The following MYBBP1A variants were observed in gnomAD, a reference collection of about 807,000 sequenced individuals.
The protein encoded by MYBBP1A is MYB binding protein 1a.
Under a neutral mutation model 136.3 loss-of-function variants are expected in MYBBP1A, and 147 were observed. The observed-to-expected ratio is 1.08, with a 90% confidence interval of 0.94 to 1.24. The LOEUF is 1.24. Among genes scored for constraint, MYBBP1A ranks in the 50% most tolerant of loss-of-function variants. MYBBP1A has a pLI of 0.00. For missense variants in MYBBP1A, 2,060 were observed against 1,727.4 expected, an observed-to-expected ratio of 1.19 and a Z score of -3.41; for synonymous variants, 947 against 735.8, an observed-to-expected ratio of 1.29 and a Z score of -4.65.
In MYBBP1A at chr17:4,542,673, G is replaced by A. The variant is rs140133737; in HGVS notation, c.2961C>T (p.Thr987=). The A allele has an allele frequency of 1.1e-5, 17 of 1,614,050 alleles. No homozygotes were observed. The highest frequency in any genetic ancestry group is 8.9e-5 in the East Asian group (4 of 44,870). ...GAACTGTGAGGGGGCTGTTGCGCTTGGTCAGGAAGGAGCTCAGTGCTGTCG... is the reference window on the plus strand; with the variant it reads ...GAACTGTGAGGGGGCTGTTGCGCTTAGTCAGGAAGGAGCTCAGTGCTGTCG... ...VYSTALSSFL[T]KRNSPLTVPM... Residue 987 remains threonine, a synonymous_variant, in exon 21 of 26, where the codon ACC becomes ACT. Transcript: ENST00000254718.
chr17:4,549,483 CT>C, intron 9 of MYBBP1A, 41 bp from the exon 10 acceptor site: 1 of 1,575,596 alleles, frequency 6.3e-7, no homozygotes, highest in Non-Finnish European at 8.7e-7. Context: ...CCACTTATAA[CT>C]GGCAGAAACA....
Position 4,554,228 on chromosome 17 carries a change from T to G in MYBBP1A, c.345A>C (p.Ile115=). 1 of 1,614,060 alleles carries G rather than the reference T, an allele frequency of 6.2e-7. No homozygotes were observed. Among genetic ancestry groups the G allele is most frequent in the Non-Finnish European group, 8.5e-7 (1 of 1,180,008 alleles). The change falls in exon 3 of 26, where the codon ATA becomes ATC. Residue 115 remains isoleucine, a synonymous_variant. Transcript: ENST00000254718. ...DLPLCSILQQ[I]QEKYDLHQVK... is the part of the protein sequence containing the mutation. ...CCTGATGCAGGTCATATTTTTCTTGTATCTGCTGCAGGATGCTGCACAAGG... is the reference window on the plus strand; with the variant it reads ...CCTGATGCAGGTCATATTTTTCTTGGATCTGCTGCAGGATGCTGCACAAGG...
chr17:4,547,993 G>A lies in MYBBP1A; in HGVS notation c.1789C>T (p.His597Tyr), dbSNP rs1214538930. ...TGGATGCCCACGAGGAGCAGAAGGT[G>A]CTGGAAGGCAGCAGCCCTGGCCTCT... ...SAEARAAAFQ[H>Y]LLLLVGIHLL... The change falls in exon 13 of 26, where the codon CAC becomes TAC. Residue 597 changes from histidine to tyrosine, a missense_variant. Coordinates refer to ENST00000254718, the MANE Select transcript of MYBBP1A (RefSeq NM_014520.4). The A allele has an allele frequency of 2.6e-6, 4 of 1,533,212 alleles. No homozygotes were observed. The highest frequency in any genetic ancestry group is 2.7e-5 in the African/African-American group (2 of 72,794). The allele number at this position is 1,533,212 out of a possible 1,614,324, so 95.0% of individuals were successfully genotyped here.
Position 4,539,825 on chromosome 17 carries a change from C to T in MYBBP1A, c.3577G>A (p.Glu1193Lys). 6.2e-7 allele frequency: 1 copy of T among 1,610,868 alleles called. No individual in the cohort carries two copies. Among genetic ancestry groups the T allele is most frequent in the Non-Finnish European group, 8.5e-7 (1 of 1,179,984 alleles). Residue 1193 changes from glutamate to lysine, a missense_variant, in exon 26 of 26, where the codon GAG becomes AAG. By Grantham distance (56) the Glu-to-Lys change is moderately conservative. Transcript: ENST00000254718. ...CCGGTGGCTGCAGGTGTGCCATCCT[C>T]CGCTGGCGTGCCATCCTCTGACTTG... ...KRKSEDGTPA[E>K]DGTPAATGGS... is the part of the protein sequence containing the mutation.
chr17:4,542,416 C>T (rs769377708), intron 22 of MYBBP1A, 48 bp downstream of exon 22: 77 of 1,553,746 alleles, frequency 5.0e-5, no homozygotes, highest in East Asian at 3.2e-4. Context: ...GAGGGTTAAG[C>T]GGGTTAATTC....
chr17:4,543,892 C>T (rs578166382), intron 19 of MYBBP1A, among the ~76,000 whole-genome samples: 4 of 152,072 alleles, frequency 2.6e-5, no homozygotes, highest in African/African-American at 7.2e-5. Context: ...GACCCTTCCC[C>T]ACGCCACTGC....
chr17:4,552,992 T>C lies in MYBBP1A; in HGVS notation c.562-366A>G, dbSNP rs945789744. Among the ~76,000 whole-genome samples, 3 of 152,112 alleles carry C rather than the reference T, an allele frequency of 2.0e-5. No individual in the cohort carries two copies. Among genetic ancestry groups the C allele is most frequent in the Non-Finnish European group, 4.4e-5 (3 of 68,026 alleles). The stretch of plus-strand genomic sequence containing the variant: ...GTGCGCCATCACACCCAGCTAATTT[T>C]TGTATTTTTAGTAGAGATGGGGTTT... On this transcript the variant is annotated intron_variant, in intron 5 of 25. Coordinates refer to ENST00000254718, the MANE Select transcript of MYBBP1A (RefSeq NM_014520.4). The surrounding 1 kb of genome is among the most constrained non-coding windows in gnomAD (Gnocchi z 4.7).
rs141433157 is a variant in MYBBP1A, at chr17:4,544,600, G to T, written c.2528C>A (p.Ala843Asp). 2.7e-4 allele frequency: 429 copies of T among 1,583,862 alleles called. 2 individuals are homozygous for T. In the African/African-American group the frequency reaches 5.3e-3, roughly 20 times the overall value. The part of the protein sequence containing the change: ...EVLVTKQPEN[A>D]LVLELLEPLL... Reference sequence around the variant, plus strand: ...CGGCTCCAGCAGCTCCAGGACCAGGGCATTCTCGGGCTGCTTGGTCACTAG... The same window carrying T: ...CGGCTCCAGCAGCTCCAGGACCAGGTCATTCTCGGGCTGCTTGGTCACTAG... Residue 843 changes from alanine to aspartate, a missense_variant, in exon 19 of 26, where the codon GCC (alanine) becomes GAC (aspartate). Physicochemically the swap from Ala to Asp is moderately radical, Grantham distance 126. Transcript: ENST00000254718.
intron 15 of MYBBP1A, 128 bp from the exon 16 acceptor site, chr17:4,545,473 G>T: frequency 6.7e-7 from 1 of 1,500,362 alleles, no homozygotes; most frequent in Non-Finnish European, 9.0e-7. Context: ...GCCAGGCCAG[G>T]CCAAGGCCTC....
chr17:4,541,702 A>T, intron 23 of MYBBP1A, 82 bp downstream of exon 23: 1 of 1,471,826 alleles, frequency 6.8e-7, no homozygotes, highest in Admixed American at 1.7e-5. Flanking sequence ...CTCAGGCTCC[A>T]ATCCTCACTT....
chr17:4,545,113 C>T lies in MYBBP1A; in HGVS notation c.2223G>A (p.Glu741=), dbSNP rs749498042. 1 of 1,608,798 alleles carries T rather than the reference C, an allele frequency of 6.2e-7. No homozygotes were observed. Among genetic ancestry groups the T allele is most frequent in the Non-Finnish European group, 8.5e-7 (1 of 1,177,758 alleles). Residue 741 remains glutamate, a synonymous_variant, in exon 17 of 26, where the codon GAG becomes GAA. Coordinates refer to ENST00000254718, the MANE Select transcript of MYBBP1A (RefSeq NM_014520.4). ...SSESEEESEG[E]ESEEEERDGD... ...CGTCGCGCTCCTCCTCCTCGCTCTC[C>T]TCCCCCTCGCTCTCCTCTTCACTCT...
Position 4,550,199 on chromosome 17 carries a change from C to A in MYBBP1A, c.1178G>T (p.Arg393Leu). The A allele has an allele frequency of 6.2e-7, 1 of 1,613,900 alleles. No homozygotes were observed. Among genetic ancestry groups the A allele is most frequent in the South Asian group, 1.1e-5 (1 of 91,088 alleles). The change falls in exon 9 of 26, where the codon CGG becomes CTG. Residue 393 changes from arginine to leucine, a missense_variant. Physicochemically the swap from Arg to Leu is moderately radical, Grantham distance 102. Coordinates refer to ENST00000254718, the MANE Select transcript of MYBBP1A (RefSeq NM_014520.4). ...CGGAGGGCTCAGGAACCGCACGACC[C>A]GCCAGAAAGTAGGCGTGACAGGGAG... The part of the protein sequence containing the change: ...QGLPVTPTFW[R>L]VVRFLSPPAL...
chr17:4,551,796 C>T (rs142966056), intron 8 of MYBBP1A, 84 bp downstream of exon 8: 46,807 of 1,234,982 alleles, frequency 0.038, 1,092 homozygotes, highest in Non-Finnish European at 0.046. Context: ...GCCAAGCCCC[C>T]GAGGTGCCCT....
Position 4,552,662 on chromosome 17 carries a change from T to C in MYBBP1A, c.562-36A>G. 1 of 1,595,490 alleles carries C rather than the reference T, an allele frequency of 6.3e-7. No homozygotes were observed. The highest frequency in any genetic ancestry group is 8.6e-7 in the Non-Finnish European group (1 of 1,168,314). On this transcript the variant is annotated intron_variant, in intron 5 of 25. Coordinates refer to ENST00000254718, the MANE Select transcript of MYBBP1A (RefSeq NM_014520.4). This position sits in a 1 kb window ranked among gnomAD's most constrained non-coding sequence, Gnocchi z 4.7. ...AGGGAGAAGAAATCGTGACTTCCTC[T>C]GCGGGGTGAGCCTGGTGGATCCTGT...
In MYBBP1A at chr17:4,539,599, G is replaced by A. The variant is rs1267355244; in HGVS notation, c.3803C>T (p.Pro1268Leu). Residue 1268 changes from proline to leucine, a missense_variant, in exon 26 of 26, where the codon CCC (proline) becomes CTC (leucine). Transcript: ENST00000254718. ...PSQVNGAPGS[P>L]TEPAGQKQHQ... ...CTGCTTTTGGCCTGCAGGTTCCGTGGGGGACCCGGGAGCTCCATTCACCTG... is the reference window on the plus strand; with the variant it reads ...CTGCTTTTGGCCTGCAGGTTCCGTGAGGGACCCGGGAGCTCCATTCACCTG... 6.8e-6 allele frequency: 11 copies of A among 1,614,090 alleles called. No individual in the cohort carries two copies. The highest frequency in any genetic ancestry group is 1.7e-5 in the Admixed American group (1 of 60,008).
rs1338283937 is a variant in MYBBP1A at position 4,544,657 on chromosome 17, G to A, written c.2482-11C>T. ...CACCAGGTCCAGCACCTGCAGCCAG[G>A]AGGGCAGGTCAGCAACACGGGGGTG... is the stretch of plus-strand genomic sequence containing the variant. On this transcript the variant is annotated splice_polypyrimidine_tract_variant and intron_variant, in intron 18 of 25. Transcript: ENST00000254718. 1.9e-6 allele frequency: 3 copies of A among 1,569,540 alleles called. No individual in the cohort carries two copies. The highest frequency in any genetic ancestry group is 3.6e-5 in the Admixed American group (2 of 56,128).
At position 4,545,901 on chromosome 17, in the gene MYBBP1A, G is replaced by C; in HGVS notation, c.1866C>G (p.Thr622=). The change falls in exon 14 of 26, where the codon ACC becomes ACG. Residue 622 remains threonine, a synonymous_variant. Coordinates refer to ENST00000254718, the MANE Select transcript of MYBBP1A (RefSeq NM_014520.4). The part of the protein sequence containing the change: ...ESCDLLGDIQ[T]CIRKSLGEKP... ...TCTCTCCCAGACTTTTCCTGATGCA[G>C]GTCTGGATGTCACCCAGCAGGTCAC... The C allele has an allele frequency of 6.2e-7, 1 of 1,613,396 alleles. No individual in the cohort carries two copies. The highest frequency in any genetic ancestry group is 8.5e-7 in the Non-Finnish European group (1 of 1,180,014).
chr17:4,548,118 C>T lies in MYBBP1A; in HGVS notation c.1724+25G>A, dbSNP rs754807633. The T allele has an allele frequency of 5.0e-6, 8 of 1,603,996 alleles. No individual in the cohort carries two copies. The highest frequency in any genetic ancestry group is 2.2e-5 in the East Asian group (1 of 44,866). On this transcript the variant is annotated intron_variant, in intron 12 of 25. Transcript: ENST00000254718. This position sits in a 1 kb window ranked among gnomAD's most constrained non-coding sequence, Gnocchi z 4.2. ...CAGTCAGACTGCAGCGTCCTGCCCA[C>T]CCCCTGGAAATCCCACGTGCTCACC... is the stretch of plus-strand genomic sequence containing the variant.
rs373698621 is a variant in MYBBP1A at position 4,539,868 on chromosome 17, C to T, written c.3534G>A (p.Thr1178=). Reference sequence around the variant, plus strand: ...CTGACTTGCGTTTCTTGCGCTTCTTCGTCTCTGGCAAGAATCCCTTTTTCT... The same window carrying T: ...CTGACTTGCGTTTCTTGCGCTTCTTTGTCTCTGGCAAGAATCCCTTTTTCT... The part of the protein sequence containing the change: ...KRKKKGFLPE[T]KKRKKRKSED... Residue 1178 remains threonine, a synonymous_variant, in exon 26 of 26, where the codon ACG becomes ACA. Transcript: ENST00000254718. 5.6e-6 allele frequency: 9 copies of T among 1,605,642 alleles called. No homozygotes were observed. The highest frequency in any genetic ancestry group is 4.0e-5 in the African/African-American group (3 of 74,894).
Sources: gnomAD v4.1 joint callset for allele counts (sites outside exome capture counted in the v4.1 genomes callset) on GRCh38, gnomAD v4.1.1 for gene constraint, Gnocchi (gnomAD v3.1) non-coding constraint, MANE v1.5 for transcripts, NCBI Gene and HGNC (gene_info 2026-07-23, HGNC 2026-07-21) for gene names.